Variants in MARK2 observed in about 807,000 individuals in gnomAD.
MARK2 encodes the protein microtubule affinity regulating kinase 2.
A neutral mutation model predicts 89.8 loss-of-function variants in MARK2; 16 were observed. That is an observed-to-expected ratio of 0.18 (90% confidence interval 0.12 to 0.27). MARK2 has a LOEUF of 0.27. Ranked by LOEUF, MARK2 falls within the 10% of genes least tolerant of loss-of-function variation. MARK2 has a pLI of 1.00. For missense variants in MARK2, 621 were observed against 1,049.9 expected (o/e 0.59, Z 5.65); for synonymous variants, 382 against 399.5 (o/e 0.96, Z 0.52).
chr11:63,909,039 C>T lies in MARK2; in HGVS notation c.2169C>T (p.Cys723=), dbSNP rs1008616475. ...GCAAGGTGCTGGACGCGAACAGCTGCCAGAGCGAGCTGCATGAGAAGTACA... is the reference window on the plus strand; with the variant it reads ...GCAAGGTGCTGGACGCGAACAGCTGTCAGAGCGAGCTGCATGAGAAGTACA... ...EIRKVLDANS[C]QSELHEKYML... is the part of the protein sequence containing the mutation. Residue 723 remains cysteine (C), a synonymous_variant, in exon 19 of 19, where the codon TGC becomes TGT. Coordinates refer to ENST00000402010, the MANE Select transcript of MARK2 (RefSeq NM_001039469.3). The T allele has an allele frequency of 3.1e-6, 5 of 1,599,896 alleles. No homozygotes were observed. Among genetic ancestry groups the T allele is most frequent in the Non-Finnish European group, 4.3e-6 (5 of 1,168,492 alleles).
intron 1 of MARK2, among the ~76,000 whole-genome samples, chr11:63,850,406 A>G (rs2016516978): frequency 7.2e-6 from 1 of 138,904 alleles, no homozygotes. Flanking sequence ...TGACCTCATG[A>G]TCTGCCCACC....
intron 3 of MARK2, 53 bp downstream of exon 3, chr11:63,895,686 T>TTTTTAA: frequency 1.9e-6 from 2 of 1,059,832 alleles, no homozygotes; most frequent in African/African-American, 2.0e-5. Context: ...TTTTTTTTTT[T>TTTTTAA]GAGTCAGAGC....
In MARK2 at chr11:63,902,146, GA is replaced by G; in HGVS notation, c.1102-51del. 1 of 1,606,212 alleles carries G rather than the reference GA, an allele frequency of 6.2e-7. No individual in the cohort carries two copies. The highest frequency in any genetic ancestry group is 1.1e-5 in the South Asian group (1 of 90,792). ...ATGTGTAAATGTGTCCATCCATAGG[GA>G]TCTCCACATGACTTCTGCCCTCCCT... On this transcript the variant is annotated intron_variant, in intron 11 of 18. Transcript: ENST00000402010. The surrounding 1 kb of genome is among the most constrained non-coding windows in gnomAD (Gnocchi z 4.2).
chr11:63,850,342 G>GTTTTTTTT (rs1382022541), intron 1 of MARK2, among the ~76,000 whole-genome samples: 3 of 120,742 alleles, frequency 2.5e-5, no homozygotes, highest in Admixed American at 9.1e-5. Flanking sequence ...TTTTTTTTTG[G>GTTTTTTTT]ATTTTTAGTA....
chr11:63,860,202 A>G (rs938739577), intron 1 of MARK2, among the ~76,000 whole-genome samples: 1 of 152,174 alleles, frequency 6.6e-6, no homozygotes, highest in Non-Finnish European at 1.5e-5. Context: ...AGTCCTACAA[A>G]TAATAGACCT....
chr11:63,844,950 G>T (rs1463944886), intron 1 of MARK2, among the ~76,000 whole-genome samples: 1 of 152,170 alleles, frequency 6.6e-6, no homozygotes, highest in Non-Finnish European at 1.5e-5. Context: ...TTTATGTCTA[G>T]AGTGCAGCCA....
rs1157761776 is a variant in MARK2 at position 63,902,887 on chromosome 11, T to C, written c.1416+105T>C. 5 of 1,136,042 alleles carry C rather than the reference T, an allele frequency of 4.4e-6. 1 individual carries two copies. In the East Asian group the frequency reaches 1.2e-4, roughly 27 times the overall value. The allele number at this position is 1,136,042 out of a possible 1,614,324, so 70.4% of individuals were successfully genotyped here. A position where few individuals can be genotyped will look rare whatever the true frequency, so the allele number is the denominator to read the frequency against. ...CTCTGTTCCCTTTGGCTACTACTTCTGCTTATAGCAGGAAGCCTCGCTCCC... is the reference window on the plus strand; with the variant it reads ...CTCTGTTCCCTTTGGCTACTACTTCCGCTTATAGCAGGAAGCCTCGCTCCC... On this transcript the variant is annotated intron_variant, in intron 13 of 18. Transcript: ENST00000402010. The surrounding 1 kb of genome is among the most constrained non-coding windows in gnomAD (Gnocchi z 4.2).
chr11:63,841,899 A>G (rs913920754), intron 1 of MARK2, among the ~76,000 whole-genome samples: 5 of 152,256 alleles, frequency 3.3e-5, no homozygotes, highest in Non-Finnish European at 5.9e-5. Flanking sequence ...ATATAGTAGG[A>G]ATTCCACCGT....
At chr11:63,867,975 T>G (rs779502714) in intron 1 of MARK2, among the ~76,000 whole-genome samples, 6 of 152,240 alleles carry the variant, frequency 3.9e-5, no homozygotes, top group Non-Finnish European at 8.8e-5. Flanking sequence ...GATTGTTACC[T>G]TCTTTGAAGG....
chr11:63,850,396 T>A (rs2016516525), intron 1 of MARK2, among the ~76,000 whole-genome samples: 1 of 143,346 alleles, frequency 7.0e-6, no homozygotes, highest in Non-Finnish European at 1.5e-5. Flanking sequence ...CTTGAACTCC[T>A]GACCTCATGA....
chr11:63,854,070 G>A (rs1489644181), intron 1 of MARK2, among the ~76,000 whole-genome samples: 2 of 150,648 alleles, frequency 1.3e-5, no homozygotes, highest in South Asian at 2.1e-4. Flanking sequence ...ACAGGGTTTC[G>A]CCACGTTGGC....
Position 63,881,139 on chromosome 11 carries a change from T to TA in MARK2, c.55-14008dup, listed in dbSNP as rs879444353. Among the ~76,000 whole-genome samples the TA allele has an allele frequency of 6.1e-3, 843 of 138,874 alleles. 3 individuals are homozygous for TA. The highest frequency in any genetic ancestry group is 8.3e-3 in the African/African-American group (316 of 38,024). The allele number at this position is 138,874 out of a possible 152,430, so 91.1% of individuals were successfully genotyped here. On this transcript the variant is annotated intron_variant, in intron 1 of 18. Transcript: ENST00000402010. ...GCCAACATGGTGAAATCCCGTCTAC[T>TA]AAAAAAAAAAAACAAATTAGCCAGG...
At chr11:63,881,663 G>A (rs1939099804) in intron 1 of MARK2, among the ~76,000 whole-genome samples, 1 of 151,350 alleles carries the variant, frequency 6.6e-6, no homozygotes, top group Non-Finnish European at 1.5e-5. Flanking sequence ...GAAATCAATG[G>A]GGCTGGGTGT....
intron 1 of MARK2, among the ~76,000 whole-genome samples, chr11:63,885,652 T>C (rs539545534): frequency 6.7e-6 from 1 of 149,396 alleles, no homozygotes; most frequent in Non-Finnish European, 1.5e-5. Flanking sequence ...CTGGCCAAGG[T>C]GGTGAAACCC....
rs1941604187 is a variant in MARK2 at position 63,909,370 on chromosome 11, C to T, written c.*133C>T. ...CTGCTGGCACTTCTCCCCTCCCTGGCCCTTCTCAGTTTTCTCTTACATGTT... is the reference window on the plus strand; with the variant it reads ...CTGCTGGCACTTCTCCCCTCCCTGGTCCTTCTCAGTTTTCTCTTACATGTT... On this transcript the variant is annotated 3_prime_UTR_variant, in exon 19 of 19. Coordinates refer to ENST00000402010, the MANE Select transcript of MARK2 (RefSeq NM_001039469.3). 2 of 944,812 alleles carry T rather than the reference C, an allele frequency of 2.1e-6. No individual in the cohort carries two copies. Among genetic ancestry groups the T allele is most frequent in the Non-Finnish European group, 3.0e-6 (2 of 668,490 alleles). The allele number at this position is 944,812 out of a possible 1,614,324, so 58.5% of individuals were successfully genotyped here. A position where few individuals can be genotyped will look rare whatever the true frequency, so the allele number is the denominator to read the frequency against.
At chr11:63,889,981 G>A (rs897033465) in intron 1 of MARK2, among the ~76,000 whole-genome samples, 5 of 152,188 alleles carry the variant, frequency 3.3e-5, no homozygotes, top group African/African-American at 1.2e-4. Context: ...GCCCAGCAGG[G>A]CAGCTAATCC....
intron 1 of MARK2, among the ~76,000 whole-genome samples, chr11:63,880,968 A>G (rs1939053672): frequency 6.6e-6 from 1 of 152,186 alleles, no homozygotes; most frequent in Admixed American, 6.5e-5. Flanking sequence ...TTAATTCAGT[A>G]CTTTACTGAA....
At chr11:63,856,877 G>A (rs1416410783) in intron 1 of MARK2, among the ~76,000 whole-genome samples, 2 of 132,418 alleles carry the variant, frequency 1.5e-5, no homozygotes, top group African/African-American at 5.7e-5. Flanking sequence ...GCGCCATCTC[G>A]GCTCACTGCA....
intron 1 of MARK2, among the ~76,000 whole-genome samples, chr11:63,855,045 GT>G (rs1474875838): frequency 6.6e-6 from 1 of 152,142 alleles, no homozygotes; most frequent in Non-Finnish European, 1.5e-5. Flanking sequence ...TAAAATTCAA[GT>G]TTTCAAGTGA....
Sources: allele counts gnomAD v4.1 joint callset (sites outside exome capture counted in the v4.1 genomes callset), GRCh38; gene constraint gnomAD v4.1.1; non-coding constraint Gnocchi (gnomAD v3.1); transcripts MANE v1.5; gene names NCBI Gene and HGNC (gene_info 2026-07-23, HGNC 2026-07-21).